Variants in AIDA observed in about 807,000 individuals in gnomAD.
The protein encoded by AIDA is axin interactor, dorsalization-associated protein.
A neutral mutation model predicts 42.7 loss-of-function variants in AIDA; 18 were observed. That is an observed-to-expected ratio of 0.42 (90% CI 0.29 to 0.63). The LOEUF (loss-of-function observed/expected upper bound fraction) is 0.63. Among genes scored for constraint, AIDA ranks in the 20% least tolerant of loss-of-function variants. The pLI is 0.19. For synonymous variants in AIDA, 104 were observed against 122.9 expected, an observed-to-expected ratio of 0.85 and a Z score of 1.02; for missense variants, 250 against 354.1, an observed-to-expected ratio of 0.71 and a Z score of 2.36.
chr1:222,680,001 G>A (rs892992939), intron 6 of AIDA, among the ~76,000 whole-genome samples: 5 of 152,132 alleles, frequency 3.3e-5, no homozygotes, highest in African/African-American at 7.2e-5. Context: ...CCCTGAACTC[G>A]CTAGGAGCTC....
chr1:222,697,875 G>A (rs1209712079), intron 2 of AIDA, among the ~76,000 whole-genome samples: 3 of 152,044 alleles, frequency 2.0e-5, no homozygotes, highest in African/African-American at 7.2e-5. Flanking sequence ...AGAGATGAGG[G>A]TAAGGGTGGA....
At chr1:222,671,995 T>A (rs1304072891) in intron 8 of AIDA, among the ~76,000 whole-genome samples, 1 of 152,230 alleles carries the variant, frequency 6.6e-6, no homozygotes. Context: ...CTGTAAATAA[T>A]ATATTTCCTG....
intron 2 of AIDA, among the ~76,000 whole-genome samples, chr1:222,694,978 A>AT (rs1276348677): frequency 1.3e-5 from 2 of 152,202 alleles, no homozygotes; most frequent in Admixed American, 6.5e-5. Context: ...GACCAGGAGG[A>AT]TTTCTAAAAT....
chr1:222,676,541 T>C (rs1364738237), intron 6 of AIDA, among the ~76,000 whole-genome samples: 1 of 152,216 alleles, frequency 6.6e-6, no homozygotes, highest in East Asian at 1.9e-4. Context: ...TTGTATATGC[T>C]CATTTATATA....
chr1:222,680,712 T>C (rs568134769), intron 6 of AIDA, among the ~76,000 whole-genome samples: 119 of 151,744 alleles, frequency 7.8e-4, no homozygotes, highest in Non-Finnish European at 1.5e-3. Context: ...CAACCATTGA[T>C]AAGTAAAGAC....
chr1:222,675,703 C>T (rs1168201539), intron 7 of AIDA, among the ~76,000 whole-genome samples: 4 of 152,108 alleles, frequency 2.6e-5, no homozygotes, highest in Non-Finnish European at 5.9e-5. Context: ...CAGGAGGAAT[C>T]GGGAAACAGA....
At chr1:222,691,623 G>A (rs926068590) in intron 4 of AIDA, among the ~76,000 whole-genome samples, 33 of 151,764 alleles carry the variant, frequency 2.2e-4, no homozygotes, top group East Asian at 5.8e-4. Flanking sequence ...TCTAAACTTC[G>A]TACATGATAG....
intron 6 of AIDA, among the ~76,000 whole-genome samples, chr1:222,677,833 C>G (rs139560438): frequency 9.6e-4 from 146 of 152,000 alleles, no homozygotes; most frequent in African/African-American, 3.1e-3. Context: ...AGCCAATCTT[C>G]GTATGGCAGT....
chr1:222,695,046 G>T (rs142990864), intron 2 of AIDA, among the ~76,000 whole-genome samples: 188 of 152,326 alleles, frequency 1.2e-3, no homozygotes, highest in African/African-American at 4.4e-3. Flanking sequence ...CTGAAAGCAG[G>T]CAGAAAAGTA....
chr1:222,701,159 C>T (rs28623657), intron 2 of AIDA, among the ~76,000 whole-genome samples: 56,121 of 151,886 alleles, frequency 0.37, 12,913 homozygotes, highest in Non-Finnish European at 0.49. Context: ...GATGGGGTTT[C>T]ACCATGTTGC....
In AIDA at chr1:222,699,785, T is replaced by C. The variant is rs190149448; in HGVS notation, c.180+3363A>G. 8.2e-4 allele frequency among the ~76,000 whole-genome samples: 125 copies of C among 152,226 alleles called. 1 individual carries two copies. Among genetic ancestry groups the C allele is most frequent in the African/African-American group, 3.0e-3 (123 of 41,526 alleles). Reference sequence around the variant, plus strand: ...TTAAAGAAAATTAAACTTTTTTTTTTTTTTTGAGACAAGTCTCGCTCTGTC... The same window carrying C: ...TTAAAGAAAATTAAACTTTTTTTTTCTTTTTGAGACAAGTCTCGCTCTGTC... On this transcript the variant is annotated intron_variant, in intron 2 of 9. Transcript: ENST00000340020.
chr1:222,701,913 G>A (rs1466465489), intron 2 of AIDA, among the ~76,000 whole-genome samples: 3 of 151,876 alleles, frequency 2.0e-5, no homozygotes, highest in South Asian at 2.1e-4. Flanking sequence ...TAGTAGAGAC[G>A]GGGTTTTACC....
intron 2 of AIDA, among the ~76,000 whole-genome samples, chr1:222,695,739 A>C (rs1655500499): frequency 6.6e-6 from 1 of 152,254 alleles, no homozygotes; most frequent in Admixed American, 6.5e-5. Context: ...AGTTTTTATT[A>C]GGAATAAATC....
chr1:222,689,573 A>G (rs1333110495), intron 4 of AIDA, among the ~76,000 whole-genome samples: 2 of 132,092 alleles, frequency 1.5e-5, no homozygotes, highest in African/African-American at 5.6e-5. Context: ...ATATATGTAT[A>G]TATATATACA....
chr1:222,709,039 G>A (rs544142272), intron 1 of AIDA, among the ~76,000 whole-genome samples: 21 of 152,236 alleles, frequency 1.4e-4, no homozygotes, highest in African/African-American at 3.9e-4. Context: ...AACAGACACC[G>A]CCCCAACACC....
intron 8 of AIDA, among the ~76,000 whole-genome samples, chr1:222,672,688 G>A (rs1242846854): frequency 6.6e-6 from 1 of 152,182 alleles, no homozygotes; most frequent in Non-Finnish European, 1.5e-5. Context: ...TTCAGACGCC[G>A]AGGCAATCAC....
At chr1:222,702,815 C>G (rs1373413898) in intron 2 of AIDA, among the ~76,000 whole-genome samples, 1 of 152,232 alleles carries the variant, frequency 6.6e-6, no homozygotes, top group Admixed American at 6.5e-5. Flanking sequence ...TAGACACACT[C>G]CAGTCTCTGG....
In AIDA at chr1:222,674,167, G is replaced by A. The variant is rs188029845; in HGVS notation, c.584-732C>T. ...TAAGGATGCTTGCAGAAAGGTAAGA[G>A]GAAATTCTTGGGCTAACAGAAATTC... On this transcript the variant is annotated intron_variant, in intron 7 of 9. Transcript: ENST00000340020. Among the ~76,000 whole-genome samples the A allele has an allele frequency of 4.6e-5, 7 of 152,234 alleles. No individual in the cohort carries two copies. The East Asian group carries it at 1.4e-3, about 29-fold the overall frequency.
rs1407620893 is a variant in AIDA, at chr1:222,712,308, C to A, written c.10G>T (p.Val4Leu). The A allele has an allele frequency of 4.5e-6, 7 of 1,563,272 alleles. No individual in the cohort carries two copies. The highest frequency in any genetic ancestry group is 6.1e-6 in the Non-Finnish European group (7 of 1,153,968). The change falls in exon 1 of 10, where the codon GTG becomes TTG. Residue 4 changes from valine to leucine, a missense_variant. Val to Leu is a conservative substitution (Grantham distance 32). This residue lies in a region of AIDA where 14 missense variants were observed against 20.1 expected (regional missense o/e 0.70). Transcript: ENST00000340020. Reference protein sequence around the residue: MSEVTRSLLQRWGA... With the variant: MSELTRSLLQRWGA... ...CAGCGCTGCAGCAGACTCCGGGTCACCTCCGACATGGCCGGTCCCCACCCC... is the reference window on the plus strand; with the variant it reads ...CAGCGCTGCAGCAGACTCCGGGTCAACTCCGACATGGCCGGTCCCCACCCC...
Sources: gnomAD v4.1 joint callset for allele counts (sites outside exome capture counted in the v4.1 genomes callset) on GRCh38, gnomAD v4.1.1 for gene constraint, gnomAD v4.1.1 regional missense constraint, MANE v1.5 for transcripts, NCBI Gene and HGNC (gene_info 2026-07-23, HGNC 2026-07-21) for gene names.